PPP2R5C: variants seen among roughly 807,000 people sequenced by gnomAD.
PPP2R5C encodes serine/threonine-protein phosphatase 2A 56 kDa regulatory subunit gamma isoform.
PPP2R5C carries 7 observed loss-of-function variants against 68.9 expected under a neutral mutation model. The observed-to-expected ratio is 0.10, with a 90% CI of 0.06 to 0.19. The LOEUF is 0.19. PPP2R5C is among the 10% of genes least tolerant of loss of function. PPP2R5C has a pLI of 1.00. For missense variants in PPP2R5C, 348 were observed against 641.3 expected (o/e 0.54, Z 4.94); for synonymous variants, 210 against 222.2 (o/e 0.95, Z 0.49).
intron 1 of PPP2R5C, among the ~76,000 whole-genome samples, chr14:101,850,728 T>A (rs2042109536): frequency 6.6e-6 from 1 of 152,190 alleles, no homozygotes; most frequent in African/African-American, 2.4e-5. Context: ...GCACAGACAC[T>A]GCTCTAGGAC....
chr14:101,821,438 GGGGT>G lies in PPP2R5C; in HGVS notation c.94+11416_94+11419del, dbSNP rs1200447761. Among the ~76,000 whole-genome samples, 178 of 130,738 alleles carry G rather than the reference GGGGT, an allele frequency of 1.4e-3. 1 individual carries two copies. The highest frequency in any genetic ancestry group is 2.1e-3 in the Non-Finnish European group (122 of 59,486). The allele number at this position is 130,738 out of a possible 152,430, so 85.8% of individuals were successfully genotyped here. On this transcript the variant is annotated intron_variant, in intron 1 of 13. Coordinates refer to ENST00000334743, the Ensembl canonical transcript of PPP2R5C. ...ATTCCAGACCATTTTCTCCCTGTGG[GGGGT>G]GGGTGGGTGGGTGTGTGTGTGTGTG...
chr14:101,762,559 A>G (rs2036610468), intron 1 of PPP2R5C, among the ~76,000 whole-genome samples: 1 of 152,072 alleles, frequency 6.6e-6, no homozygotes, highest in African/African-American at 2.4e-5. Context: ...GCGTTTCATT[A>G]TCACCCCAGA....
At chr14:101,801,782 C>G (rs2038871522) in intron 3 of PPP2R5C, among the ~76,000 whole-genome samples, 1 of 152,224 alleles carries the variant, frequency 6.6e-6, no homozygotes, top group Non-Finnish European at 1.5e-5. Context: ...TCTACAAATT[C>G]AGTGCAATCC....
intron 1 of PPP2R5C, chr14:101,823,971 A>G: frequency 7.8e-7 from 1 of 1,288,960 alleles, no homozygotes; most frequent in Non-Finnish European, 1.0e-6. Flanking sequence ...GTTTGTGGTT[A>G]TGGATGAAAT....
intron 1 of PPP2R5C, among the ~76,000 whole-genome samples, chr14:101,839,880 G>A (rs1337829681): frequency 6.6e-6 from 1 of 152,166 alleles, no homozygotes; most frequent in African/African-American, 2.4e-5. Flanking sequence ...TCAGTGGTGC[G>A]CTCGTCCGCA....
At chr14:101,815,739 G>A (rs578248377) in intron 1 of PPP2R5C, among the ~76,000 whole-genome samples, 14 of 152,244 alleles carry the variant, frequency 9.2e-5, no homozygotes, top group African/African-American at 1.9e-4. Flanking sequence ...GCGTGATCTC[G>A]GCTCACTGCA....
At chr14:101,785,127 A>G (rs2038030589) in intron 2 of PPP2R5C, among the ~76,000 whole-genome samples, 2 of 152,166 alleles carry the variant, frequency 1.3e-5, no homozygotes, top group Admixed American at 6.5e-5. Flanking sequence ...AGCCTAGGAC[A>G]ATGGCAGCAG....
chr14:101,876,377 C>A (rs1295095603), intron 2 of PPP2R5C, among the ~76,000 whole-genome samples: 1 of 150,412 alleles, frequency 6.6e-6, no homozygotes, highest in Non-Finnish European at 1.5e-5. Context: ...AATAATCAAA[C>A]CTTTCTTTCC....
At chr14:101,809,325 T>TA (rs2039211946), upstream of PPP2R5C, among the ~76,000 whole-genome samples, 1 of 150,916 alleles carries the variant, frequency 6.6e-6, no homozygotes, top group Admixed American at 6.6e-5. Flanking sequence ...ATCCTATTGG[T>TA]AAGGGAAGTT....
chr14:101,834,742 T>A (rs1014851588), intron 1 of PPP2R5C, among the ~76,000 whole-genome samples: 1 of 151,746 alleles, frequency 6.6e-6, no homozygotes, highest in Non-Finnish European at 1.5e-5. Context: ...GAGGAGGGGA[T>A]CTTTATTACA....
intron 1 of PPP2R5C, among the ~76,000 whole-genome samples, chr14:101,840,469 C>T (rs2041393339): frequency 7.2e-6 from 1 of 139,732 alleles, no homozygotes; most frequent in South Asian, 2.3e-4. Flanking sequence ...GCACCACCTG[C>T]TCCCCCCACC....
intron 3 of PPP2R5C, among the ~76,000 whole-genome samples, chr14:101,787,022 C>G (rs2038124346): frequency 6.6e-6 from 1 of 152,154 alleles, no homozygotes; most frequent in Non-Finnish European, 1.5e-5. Context: ...GAGGCTGAGG[C>G]AGAAGGATCA....
At chr14:101,837,348 TGTCA>T (rs2041175823) in intron 1 of PPP2R5C, among the ~76,000 whole-genome samples, 3 of 152,096 alleles carry the variant, frequency 2.0e-5, no homozygotes, top group Admixed American at 2.0e-4. Flanking sequence ...GGTTTCTCCA[TGTCA>T]GTCAGGCTAG....
intron 13 of PPP2R5C, chr14:101,922,243 C>A (rs937396040): frequency 1.0e-6 from 1 of 954,296 alleles, no homozygotes; most frequent in Non-Finnish European, 1.2e-6. Flanking sequence ...AATCCCAGCA[C>A]TTTGGGAGGC....
chr14:101,771,222 C>T (rs1438848425), intron 2 of PPP2R5C, among the ~76,000 whole-genome samples: 5 of 135,396 alleles, frequency 3.7e-5, no homozygotes, highest in Admixed American at 7.6e-5. Flanking sequence ...TTCTTCATCT[C>T]GTGTGTGTGT....
intron 1 of PPP2R5C, among the ~76,000 whole-genome samples, chr14:101,816,479 C>A (rs116624579): frequency 0.011 from 1,739 of 152,158 alleles, 27 homozygotes; most frequent in African/African-American, 0.039. Context: ...TAACAGGTAC[C>A]GTGAGTGAAT....
chr14:101,810,997 C>T (rs1410699685), intron 1 of PPP2R5C, among the ~76,000 whole-genome samples: 1 of 152,160 alleles, frequency 6.6e-6, no homozygotes, highest in Non-Finnish European at 1.5e-5. Context: ...AACTGTTTCT[C>T]AGAATCTCTT....
intron 2 of PPP2R5C, among the ~76,000 whole-genome samples, chr14:101,872,625 C>T (rs2043501522): frequency 6.6e-6 from 1 of 152,168 alleles, no homozygotes; most frequent in Non-Finnish European, 1.5e-5. Flanking sequence ...GTCTTGCTTG[C>T]ATTATTTCTG....
chr14:101,802,169 C>T (rs2038890173), intron 3 of PPP2R5C, among the ~76,000 whole-genome samples: 3 of 152,180 alleles, frequency 2.0e-5, no homozygotes, highest in African/African-American at 7.2e-5. Context: ...AATCCCAGCA[C>T]TTTGGGAGGC....
Sources: allele counts gnomAD v4.1 joint callset (sites outside exome capture counted in the v4.1 genomes callset), GRCh38; gene constraint gnomAD v4.1.1; transcripts MANE v1.5; gene names NCBI Gene and HGNC (gene_info 2026-07-23, HGNC 2026-07-21).